CSMD1: variants seen among roughly 807,000 people sequenced by gnomAD.
CSMD1 encodes the protein CUB and Sushi multiple domains 1, also known as CUB and sushi domain-containing protein 1.
CSMD1 carries 213 observed loss-of-function variants against 417.5 expected under a neutral mutation model. That is an observed-to-expected ratio of 0.51 (90% confidence interval 0.46 to 0.57). The LOEUF (loss-of-function observed/expected upper bound fraction) is 0.57. CSMD1 is among the 20% of genes least tolerant of loss of function. CSMD1 has a pLI of 0.00. For synonymous variants in CSMD1, 2,862 were observed against 1,736.8 expected, an observed-to-expected ratio of 1.65 and a Z score of -16.11; for missense variants, 6,923 against 4,529.7, an observed-to-expected ratio of 1.53 and a Z score of -15.17.
At chr8:3,544,614 C>T (rs1165462979) in intron 10 of CSMD1, among the ~76,000 whole-genome samples, 1 of 152,004 alleles carries the variant, frequency 6.6e-6, no homozygotes, top group South Asian at 2.1e-4. Flanking sequence ...GTAACAAAGG[C>T]GGGGGCCCTG....
At chr8:4,523,571 G>T (rs551543617) in intron 2 of CSMD1, among the ~76,000 whole-genome samples, 1 of 151,964 alleles carries the variant, frequency 6.6e-6, no homozygotes, top group South Asian at 2.1e-4. Context: ...TGCAATTGTG[G>T]TTGCCTCAAA....
At chr8:3,951,646 TAAAA>T (rs1013220773) in intron 5 of CSMD1, among the ~76,000 whole-genome samples, 15 of 152,292 alleles carry the variant, frequency 9.8e-5, no homozygotes, top group African/African-American at 3.6e-4. Flanking sequence ...GAAGAAAGGT[TAAAA>T]TTTTTTAAAA....
intron 5 of CSMD1, among the ~76,000 whole-genome samples, chr8:3,970,902 C>T (rs1331277980): frequency 6.6e-6 from 1 of 152,074 alleles, no homozygotes; most frequent in Non-Finnish European, 1.5e-5. Flanking sequence ...CAGGTGACTG[C>T]CACCATGCTC....
chr8:4,207,454 C>A (rs1355237456), intron 3 of CSMD1, among the ~76,000 whole-genome samples: 1 of 152,032 alleles, frequency 6.6e-6, no homozygotes, highest in Admixed American at 6.6e-5. Context: ...TTAATTGAAC[C>A]ATATCTAAAA....
At chr8:3,681,450 G>C (rs60657430) in intron 7 of CSMD1, among the ~76,000 whole-genome samples, 149 of 152,226 alleles carry the variant, frequency 9.8e-4, no homozygotes, top group East Asian at 9.7e-3. Context: ...TTGTTTCAAA[G>C]AGAATAAAAT....
At chr8:3,237,443 C>T (rs926808590) in intron 26 of CSMD1, among the ~76,000 whole-genome samples, 17 of 150,476 alleles carry the variant, frequency 1.1e-4, no homozygotes, top group Non-Finnish European at 2.2e-4. Flanking sequence ...GGCAACAGGG[C>T]GAGACTCCAT....
At chr8:3,939,793 C>T (rs1331736773) in intron 5 of CSMD1, among the ~76,000 whole-genome samples, 1 of 152,074 alleles carries the variant, frequency 6.6e-6, no homozygotes, top group Non-Finnish European at 1.5e-5. Context: ...CATATGTTCT[C>T]ACTTGTGAGA....
At chr8:3,736,186 G>C (rs1006566165) in intron 6 of CSMD1, among the ~76,000 whole-genome samples, 2 of 152,118 alleles carry the variant, frequency 1.3e-5, no homozygotes, top group African/African-American at 4.8e-5. Flanking sequence ...CATATTCTAT[G>C]TGTATTAACA....
intron 18 of CSMD1, among the ~76,000 whole-genome samples, chr8:3,384,771 A>ATGC (rs1340080685): frequency 1.6e-5 from 2 of 125,402 alleles, no homozygotes; most frequent in African/African-American, 3.1e-5. Context: ...ATATAAATAT[A>ATGC]TATTTATATA....
At chr8:4,122,770 C>T (rs1264447272) in intron 3 of CSMD1, among the ~76,000 whole-genome samples, 1 of 152,118 alleles carries the variant, frequency 6.6e-6, no homozygotes, top group Non-Finnish European at 1.5e-5. Context: ...TGGCTCTTAT[C>T]AATGGAAGTC....
At chr8:3,366,499 A>C (rs1809574673) in intron 20 of CSMD1, among the ~76,000 whole-genome samples, 1 of 152,204 alleles carries the variant, frequency 6.6e-6, no homozygotes, top group Non-Finnish European at 1.5e-5. Flanking sequence ...ATTATCATTA[A>C]AAATAAAGAT....
chr8:4,476,987 G>A (rs1340279781), intron 2 of CSMD1, among the ~76,000 whole-genome samples: 2 of 152,210 alleles, frequency 1.3e-5, no homozygotes, highest in Non-Finnish European at 2.9e-5. Context: ...CCAATTGCTG[G>A]CTGCCTAGGA....
chr8:4,239,742 G>A (rs777154546), intron 3 of CSMD1, among the ~76,000 whole-genome samples: 4 of 152,164 alleles, frequency 2.6e-5, no homozygotes, highest in Non-Finnish European at 4.4e-5. Flanking sequence ...AAGGTGGGTG[G>A]TGGTTTCTTA....
intron 18 of CSMD1, among the ~76,000 whole-genome samples, chr8:3,370,345 C>G (rs1809869192): frequency 6.6e-6 from 1 of 152,176 alleles, no homozygotes; most frequent in African/African-American, 2.4e-5. Context: ...AAGGCAACTG[C>G]CGTTCATGCT....
chr8:3,118,726 C>T (rs1228944724), intron 41 of CSMD1, 139 bp from the exon 42 acceptor site: 3 of 666,744 alleles, frequency 4.5e-6, no homozygotes, highest in Non-Finnish European at 7.6e-6. Flanking sequence ...TCTAAGTAGT[C>T]AGTTGCCATC....
At chr8:3,522,529 C>T (rs1406706602) in intron 10 of CSMD1, among the ~76,000 whole-genome samples, 2 of 152,028 alleles carry the variant, frequency 1.3e-5, no homozygotes, top group African/African-American at 4.8e-5. Context: ...ACATTGGTAG[C>T]CCCCTGAGTT....
In CSMD1 at chr8:4,867,593, G is replaced by A. The variant is rs564006369; in HGVS notation, c.85+126739C>T. ...CCATAATTTCGCTTTTTTCATCAGC[G>A]CTGTATTTTTGTATCACCTTGCACT... On this transcript the variant is annotated intron_variant, in intron 1 of 69. Transcript: ENST00000635120. Among the ~76,000 whole-genome samples the A allele has an allele frequency of 5.9e-5, 9 of 152,086 alleles. No homozygotes were observed. The South Asian group carries it at 1.9e-3, about 32-fold the overall frequency.
intron 5 of CSMD1, among the ~76,000 whole-genome samples, chr8:3,917,387 A>G (rs558319424): frequency 8.0e-5 from 12 of 149,400 alleles, no homozygotes; most frequent in Non-Finnish European, 1.5e-4. Context: ...GCTTCCCTCT[A>G]CAGGAGTTTG....
rs138757913 is a variant in CSMD1, at chr8:3,029,658, C to G, written c.7661-145G>C. ...CATTACGTATTATCTCAGTGTTTCT[C>G]TACCACCCACATAGACATATGGGAA... On this transcript the variant is annotated intron_variant, in intron 50 of 69. Coordinates refer to ENST00000635120, the MANE Select transcript of CSMD1 (RefSeq NM_033225.6). The G allele has an allele frequency of 3.2e-4, 203 of 635,180 alleles. 2 individuals are homozygous for G. The highest frequency in any genetic ancestry group is 1.7e-3 in the Middle Eastern group (4 of 2,324). 39.3% of individuals were successfully genotyped at this position (635,180 alleles called of 1,614,324 possible).
Sources: allele counts gnomAD v4.1 joint callset (sites outside exome capture counted in the v4.1 genomes callset), GRCh38; gene constraint gnomAD v4.1.1; transcripts MANE v1.5; gene names NCBI Gene and HGNC (gene_info 2026-07-23, HGNC 2026-07-21).